Variants in SPACA6 observed in about 807,000 individuals in gnomAD.
SPACA6 encodes sperm acrosome associated 6.
For missense variants in SPACA6, 8 were observed against 2.8 expected (o/e 2.88, Z -1.34); for synonymous variants, 6 against 1.5 (o/e 4.05, Z -2.21).
chr19:51,688,930 A>AAGGGAGGG (rs745610365), upstream of SPACA6, among the ~76,000 whole-genome samples: 2 of 49,058 alleles, frequency 4.1e-5, no homozygotes, highest in African/African-American at 7.9e-5. Context: ...AACGAGAGAG[A>AAGGGAGGG]AGGGAGGGAG....
At chr19:51,709,614 CAAAAAAAAAA>C (rs56844884), downstream of SPACA6, among the ~76,000 whole-genome samples, 42 of 93,180 alleles carry the variant, frequency 4.5e-4, no homozygotes, top group Non-Finnish European at 8.1e-4. Context: ...GACTCTGTCA[CAAAAAAAAAA>C]AAAAAAAGAA....
At chr19:51,684,613 C>T (rs971063449), upstream of SPACA6, among the ~76,000 whole-genome samples, 30 of 152,290 alleles carry the variant, frequency 2.0e-4, no homozygotes, top group African/African-American at 7.2e-4. Context: ...GCTTTTAGTT[C>T]AGGGGTGTCC....
At chr19:51,712,567 A>T (rs1229142871), downstream of SPACA6, among the ~76,000 whole-genome samples, 1 of 152,092 alleles carries the variant, frequency 6.6e-6, no homozygotes, top group African/African-American at 2.4e-5. Flanking sequence ...GAAGTCTTTG[A>T]GCAGACAAAG....
chr19:51,694,779 A>G (rs2083413853), intron 2 of SPACA6, among the ~76,000 whole-genome samples: 1 of 152,174 alleles, frequency 6.6e-6, no homozygotes, highest in Non-Finnish European at 1.5e-5. Flanking sequence ...GACGCTGCAG[A>G]AATTGCCTAG....
downstream of SPACA6, among the ~76,000 whole-genome samples, chr19:51,708,414 A>C (rs944741707): frequency 2.6e-5 from 4 of 152,238 alleles, no homozygotes; most frequent in Non-Finnish European, 4.4e-5. Flanking sequence ...GAGAAATGGA[A>C]TATGGGGCCG....
upstream of SPACA6, among the ~76,000 whole-genome samples, chr19:51,691,833 G>T (rs2083376104): frequency 6.6e-6 from 1 of 152,018 alleles, no homozygotes. Context: ...CTGGGTCCCG[G>T]GGTCCAGAAG....
At chr19:51,706,591 T>TCTAACTACCTCTCTC (rs1423808781), downstream of SPACA6, among the ~76,000 whole-genome samples, 6 of 152,128 alleles carry the variant, frequency 3.9e-5, no homozygotes, top group Admixed American at 3.9e-4. Flanking sequence ...TGTCTCCTTC[T>TCTAACTACCTCTCTC]CTAACTACCT....
chr19:51,700,588 G>T (rs1410744988), intron 2 of SPACA6, among the ~76,000 whole-genome samples: 4 of 152,172 alleles, frequency 2.6e-5, no homozygotes, highest in African/African-American at 9.7e-5. Context: ...ACCAGCTGGG[G>T]TCTCCAGTTC....
downstream of SPACA6, among the ~76,000 whole-genome samples, chr19:51,709,382 T>C (rs2083531133): frequency 6.6e-6 from 1 of 151,170 alleles, no homozygotes; most frequent in Non-Finnish European, 1.5e-5. Flanking sequence ...CCAGGTGTGG[T>C]AACAGGTGCC....
intron 8 of SPACA6, 79 bp from the exon 9 acceptor site, chr19:51,705,011 C>G: frequency 3.7e-6 from 1 of 267,162 alleles, no homozygotes; most frequent in East Asian, 4.2e-5. Flanking sequence ...ACCTTTTTGA[C>G]CCTGGTGTCC....
upstream of SPACA6, among the ~76,000 whole-genome samples, chr19:51,688,787 A>G (rs1321978735): frequency 6.6e-6 from 1 of 151,950 alleles, no homozygotes; most frequent in Non-Finnish European, 1.5e-5. Context: ...AGATAGGGAG[A>G]GGGCGAAAGG....
rs1054773985 is a variant in SPACA6 at position 51,702,323 on chromosome 19, T to G, written c.362-306T>G. ...GGATCGCCCAGGATCTAGCCCCGCCTCCTCGGTGGAATACACCTGGATTGC... is the reference window on the plus strand; with the variant it reads ...GGATCGCCCAGGATCTAGCCCCGCCGCCTCGGTGGAATACACCTGGATTGC... On this transcript the variant is annotated intron_variant, in intron 3 of 8. Transcript: ENST00000637797. Among the ~76,000 whole-genome samples, 7 of 151,534 alleles carry G rather than the reference T, an allele frequency of 4.6e-5. No individual in the cohort carries two copies. The East Asian group carries it at 1.4e-3, about 29-fold the overall frequency.
upstream of SPACA6, among the ~76,000 whole-genome samples, chr19:51,690,431 G>T (rs1452174179): frequency 6.6e-6 from 1 of 151,938 alleles, no homozygotes; most frequent in East Asian, 1.9e-4. Context: ...TGCAGTTCTG[G>T]GGATCCCCAG....
At chr19:51,710,285 A>G (rs149117563), downstream of SPACA6, among the ~76,000 whole-genome samples, 416 of 152,346 alleles carry the variant, frequency 2.7e-3, no homozygotes, top group Non-Finnish European at 4.2e-3. Flanking sequence ...CAGACTTGGC[A>G]GAGTGTGTGG....
chr19:51,682,768 A>G, the SPACA6 span, among the ~76,000 whole-genome samples: 137,506 of 152,298 alleles, frequency 0.9, 62,237 homozygotes, highest in African/African-American at 0.97. Context: ...TTATCCGGGC[A>G]CAGTGTATCA....
intron 2 of SPACA6, among the ~76,000 whole-genome samples, chr19:51,695,072 TCA>T (rs148161713): frequency 4.0e-5 from 6 of 151,376 alleles, no homozygotes; most frequent in South Asian, 2.1e-4. Flanking sequence ...ACACTCACAC[TCA>T]CACACACACA....
chr19:51,694,445 T>A, intron 1 of SPACA6, 33 bp from the exon 2 acceptor site: 1 of 399,390 alleles, frequency 2.5e-6, no homozygotes, highest in Non-Finnish European at 4.4e-6. Context: ...GGGAGCTGCC[T>A]CCCCCAGCCC....
chr19:51,687,564 T>C (rs1176658248), upstream of SPACA6: 1 of 150,586 alleles, frequency 6.6e-6, no homozygotes, highest in Non-Finnish European at 1.5e-5. Context: ...GTGGTATATA[T>C]GTGCATAGAT....
At chr19:51,701,356 C>T (rs564940623) in intron 2 of SPACA6, among the ~76,000 whole-genome samples, 4 of 152,106 alleles carry the variant, frequency 2.6e-5, no homozygotes, top group Non-Finnish European at 5.9e-5. Context: ...CTCCCCCCAA[C>T]AAGCTACATG....
Sources: gnomAD v4.1 joint callset for allele counts (sites outside exome capture counted in the v4.1 genomes callset) on GRCh38, gnomAD v4.1.1 for gene constraint, MANE v1.5 for transcripts, NCBI Gene and HGNC (gene_info 2026-07-23, HGNC 2026-07-21) for gene names.